The following DCBLD2 variants were observed in gnomAD, a reference collection of about 807,000 sequenced individuals.
DCBLD2 encodes the protein discoidin, CUB and LCCL domain containing 2.
In DCBLD2, 54 loss-of-function variants were observed where a neutral mutation model predicts 86.8. The ratio of observed to expected loss-of-function variants is 0.62; its 90% CI spans 0.50 to 0.78. The LOEUF is 0.78. DCBLD2 is among the 30% of genes least tolerant of loss of function. The pLI, the probability that DCBLD2 is intolerant of heterozygous loss-of-function variation, is 0.00. For synonymous variants in DCBLD2, 354 were observed against 341.3 expected (o/e 1.04, Z -0.41); for missense variants, 908 against 954.2 (o/e 0.95, Z 0.64).
At chr3:98,832,799 G>A (rs1036871920) in intron 3 of DCBLD2, among the ~76,000 whole-genome samples, 1 of 152,190 alleles carries the variant, frequency 6.6e-6, no homozygotes, top group African/African-American at 2.4e-5. Context: ...CAGCTGAGAG[G>A]TCTGTTGCTA....
At chr3:98,901,018 G>A in intron 1 of DCBLD2, 104 bp downstream of exon 1, 1 of 1,517,664 alleles carries the variant, frequency 6.6e-7, no homozygotes, top group Non-Finnish European at 8.8e-7. Context: ...ACGCACGAAA[G>A]CGCACCGCGC....
chr3:98,844,483 C>A (rs1227258098), intron 3 of DCBLD2, among the ~76,000 whole-genome samples: 1 of 151,670 alleles, frequency 6.6e-6, no homozygotes, highest in Non-Finnish European at 1.5e-5. Context: ...TGCCTCAGCC[C>A]CCTGAGTAGC....
At chr3:98,895,069 A>T (rs1381855173) in intron 1 of DCBLD2, among the ~76,000 whole-genome samples, 1 of 152,078 alleles carries the variant, frequency 6.6e-6, no homozygotes, top group Admixed American at 6.5e-5. Context: ...TGCATATATG[A>T]AGAGGTTAGT....
At chr3:98,843,084 C>T (rs1942650059) in intron 3 of DCBLD2, among the ~76,000 whole-genome samples, 2 of 152,184 alleles carry the variant, frequency 1.3e-5, no homozygotes, top group Admixed American at 6.5e-5. Context: ...ACCATCTTAA[C>T]AGATTAAGTG....
At chr3:98,844,265 T>C (rs1373818103) in intron 3 of DCBLD2, among the ~76,000 whole-genome samples, 1 of 152,084 alleles carries the variant, frequency 6.6e-6, no homozygotes, top group Non-Finnish European at 1.5e-5. Flanking sequence ...AGATCATCTA[T>C]AAAATTCATT....
At chr3:98,896,237 G>A (rs1281347081) in intron 1 of DCBLD2, among the ~76,000 whole-genome samples, 1 of 152,202 alleles carries the variant, frequency 6.6e-6, no homozygotes, top group African/African-American at 2.4e-5. Flanking sequence ...TTAGATACTA[G>A]TTTATTTGAA....
At chr3:98,808,951 T>C (rs1339599557) in intron 12 of DCBLD2, among the ~76,000 whole-genome samples, 2 of 152,148 alleles carry the variant, frequency 1.3e-5, no homozygotes, top group African/African-American at 2.4e-5. Flanking sequence ...GAATAAATCA[T>C]GGTATCCTCC....
At chr3:98,897,453 A>G (rs1943769422) in intron 1 of DCBLD2, among the ~76,000 whole-genome samples, 1 of 152,208 alleles carries the variant, frequency 6.6e-6, no homozygotes, top group Admixed American at 6.5e-5. Context: ...AGACAAAGAA[A>G]AGACAATGGA....
intron 3 of DCBLD2, among the ~76,000 whole-genome samples, chr3:98,825,647 ATATATATATATAT>A (rs1942204444): frequency 1.8e-4 from 3 of 16,798 alleles, no homozygotes; most frequent in African/African-American, 9.8e-4. Flanking sequence ...GTGTATTTAT[ATATATATATATAT>A]ATATATATAT....
intron 4 of DCBLD2, among the ~76,000 whole-genome samples, chr3:98,823,507 T>C (rs991768606): frequency 2.6e-5 from 4 of 152,200 alleles, no homozygotes; most frequent in African/African-American, 7.2e-5. Context: ...CTGTTGAGTG[T>C]AGGGCAGTAC....
chr3:98,848,408 T>C (rs981811315), intron 3 of DCBLD2, among the ~76,000 whole-genome samples: 6 of 152,242 alleles, frequency 3.9e-5, no homozygotes, highest in South Asian at 4.1e-4. Flanking sequence ...GTCTTTGCTA[T>C]TGAATAGCGG....
At chr3:98,810,398 T>A (rs1267743988) in intron 12 of DCBLD2, among the ~76,000 whole-genome samples, 2 of 152,218 alleles carry the variant, frequency 1.3e-5, no homozygotes, top group Non-Finnish European at 2.9e-5. Flanking sequence ...GTTATCTGAA[T>A]CCAGGCAAAC....
intron 1 of DCBLD2, chr3:98,900,830 C>T: frequency 2.2e-6 from 1 of 464,258 alleles, no homozygotes; most frequent in Non-Finnish European, 3.9e-6. Flanking sequence ...TTTTTCCTCC[C>T]CAAAATTTTC....
At chr3:98,873,724 A>C (rs1442544961) in intron 2 of DCBLD2, among the ~76,000 whole-genome samples, 1 of 152,130 alleles carries the variant, frequency 6.6e-6, no homozygotes, top group Admixed American at 6.5e-5. Context: ...CAAAGTAAAA[A>C]AAAAATTTTA....
intron 2 of DCBLD2, among the ~76,000 whole-genome samples, chr3:98,867,420 G>A (rs1021674811): frequency 6.6e-6 from 1 of 151,994 alleles, no homozygotes; most frequent in Admixed American, 6.6e-5. Context: ...GTCCTTCACA[G>A]CCCTTGTAAG....
intron 2 of DCBLD2, among the ~76,000 whole-genome samples, chr3:98,872,810 A>G (rs929443387): frequency 2.0e-5 from 3 of 152,210 alleles, no homozygotes; most frequent in Non-Finnish European, 4.4e-5. Context: ...CAATGTAGAA[A>G]AAATGAACAC....
intron 9 of DCBLD2, chr3:98,813,309 T>A (rs1941971389): frequency 6.6e-6 from 1 of 152,318 alleles, no homozygotes; most frequent in Non-Finnish European, 1.5e-5. Flanking sequence ...CAGGCTAGTG[T>A]GCAGTGGCGC....
chr3:98,885,400 G>T (rs1249960837), intron 1 of DCBLD2, among the ~76,000 whole-genome samples: 1 of 146,122 alleles, frequency 6.8e-6, no homozygotes. Context: ...CAAAAGGGAA[G>T]GCTAGACATA....
intron 13 of DCBLD2, among the ~76,000 whole-genome samples, chr3:98,802,570 T>C (rs1941749303): frequency 6.6e-6 from 1 of 152,224 alleles, no homozygotes; most frequent in South Asian, 2.1e-4. Context: ...TAGATCCCAT[T>C]TGTCAATTCT....
Sources: gnomAD v4.1 joint callset for allele counts (sites outside exome capture counted in the v4.1 genomes callset) on GRCh38, gnomAD v4.1.1 for gene constraint, MANE v1.5 for transcripts, NCBI Gene and HGNC (gene_info 2026-07-23, HGNC 2026-07-21) for gene names.